Variants in NME9 observed in about 807,000 individuals in gnomAD.
NME9 encodes the protein thioredoxin domain-containing protein 6.
In NME9, 48 loss-of-function variants were observed where a neutral mutation model predicts 44.4. That is an observed-to-expected ratio of 1.08 (90% CI 0.86 to 1.37). The LOEUF (loss-of-function observed/expected upper bound fraction) is 1.37. NME9 is among the 40% of genes most tolerant of loss of function. The probability of loss-of-function intolerance (pLI) is 0.00; values close to 1 mark genes in which losing one functional copy is unlikely to be tolerated. For synonymous variants in NME9, 139 were observed against 147.1 expected, an observed-to-expected ratio of 0.94 and a Z score of 0.40; for missense variants, 325 against 405.2, an observed-to-expected ratio of 0.80 and a Z score of 1.70.
chr3:138,329,558 C>T lies in NME9; in HGVS notation c.-223G>A. 2 of 1,326,376 alleles carry T rather than the reference C, an allele frequency of 1.5e-6. No individual in the cohort carries two copies. Among genetic ancestry groups the T allele is most frequent in the Non-Finnish European group, 1.9e-6 (2 of 1,041,322 alleles). The allele number at this position is 1,326,376 out of a possible 1,614,324, so 82.2% of individuals were successfully genotyped here. A position where few individuals can be genotyped will look rare whatever the true frequency, so the allele number is the denominator to read the frequency against. On this transcript the variant is annotated 5_prime_UTR_variant, in exon 1 of 11. Coordinates refer to ENST00000333911, the MANE Select transcript of NME9 (RefSeq NM_001349018.2). ...GGAAGCGGAGCCTGCAGTCCACGGG[C>T]TCGTGGCTCGCCGGGCGGTTTTCTG...
rs1323152260 is a variant in NME9, at chr3:138,319,537, C to T, written c.136G>A (p.Val46Met). ...ATCCTCATCTTCTGGAAGAGGCTCA[C>T]CACAGGTTTGCAGGGGCCACACCAG... ...QGWCGPCKPVVSLFQKMRIEV... is the reference protein window; with the variant it reads ...QGWCGPCKPVMSLFQKMRIEV... Residue 46 changes from valine to methionine, a missense_variant, in exon 3 of 11, where the codon GTG becomes ATG. Val to Met is a conservative substitution (Grantham distance 21, BLOSUM62 1). Coordinates refer to ENST00000333911, the MANE Select transcript of NME9 (RefSeq NM_001349018.2). 1 of 1,613,652 alleles carries T rather than the reference C, an allele frequency of 6.2e-7. No homozygotes were observed. Among genetic ancestry groups the T allele is most frequent in the Admixed American group, 1.7e-5 (1 of 59,996 alleles).
intron 8 of NME9, among the ~76,000 whole-genome samples, chr3:138,267,805 T>A (rs1304787276): frequency 6.6e-6 from 1 of 152,208 alleles, no homozygotes; most frequent in Admixed American, 6.5e-5. Flanking sequence ...TACAGTTAGT[T>A]TTATTATGTC....
chr3:138,301,664 A>G lies in NME9; in HGVS notation c.969T>C (p.Leu323=), dbSNP rs935017973. 2.0e-6 allele frequency: 3 copies of G among 1,535,946 alleles called. No homozygotes were observed. The highest frequency in any genetic ancestry group is 1.4e-5 in the African/African-American group (1 of 73,024). Residue 323 remains leucine, a synonymous_variant, in exon 11 of 11, where the codon CTT becomes CTC. Coordinates refer to ENST00000333911, the MANE Select transcript of NME9 (RefSeq NM_001349018.2). ...AEATAGPTEA[L]CFPEDVD is the part of the protein sequence containing the mutation. The stretch of plus-strand genomic sequence containing the variant: ...CTCAATCCACATCCTCAGGAAAGCA[A>G]AGCGCCTCAGTGGGCCCCGCTGTTG...
intron 8 of NME9, among the ~76,000 whole-genome samples, chr3:138,281,851 A>G (rs1039305747): frequency 1.3e-5 from 2 of 152,146 alleles, no homozygotes; most frequent in Admixed American, 1.3e-4. Flanking sequence ...GGAGAGTCTA[A>G]AAGTGTTTAC....
intron 8 of NME9, chr3:138,269,978 C>T: frequency 8.9e-7 from 1 of 1,117,642 alleles, no homozygotes; most frequent in Non-Finnish European, 1.4e-6. Flanking sequence ...AAGGTATATG[C>T]ATGTTTAGTT....
At chr3:138,290,743 T>G in intron 8 of NME9, 2 of 720,058 alleles carry the variant, frequency 2.8e-6, no homozygotes, top group Non-Finnish European at 4.6e-6. Context: ...TAAAATCTTT[T>G]AGATTCTTAG....
At chr3:138,319,384 A>T in intron 3 of NME9, 94 bp downstream of exon 3, 1 of 707,776 alleles carries the variant, frequency 1.4e-6, no homozygotes, top group Non-Finnish European at 2.5e-6. Context: ...ATGACCTGAG[A>T]AAGGTCACTC....
At chr3:138,261,947 T>G (rs2047787283) in exon 9 of NME9, 1 of 152,108 alleles carries the variant, frequency 6.6e-6, no homozygotes, top group South Asian at 2.1e-4. Flanking sequence ...GAATTTGAAG[T>G]AAGAGGTAGC....
chr3:138,277,635 A>G (rs2049429679), intron 8 of NME9, among the ~76,000 whole-genome samples: 2 of 152,250 alleles, frequency 1.3e-5, no homozygotes, highest in Admixed American at 1.3e-4. Flanking sequence ...AGAATAGCTA[A>G]AAATTTTTTT....
intron 1 of NME9, among the ~76,000 whole-genome samples, chr3:138,327,938 G>A (rs1172706977): frequency 6.6e-6 from 1 of 152,146 alleles, no homozygotes; most frequent in Non-Finnish European, 1.5e-5. Flanking sequence ...TAACATTAGA[G>A]ACACCACAGA....
At chr3:138,298,297 C>G (rs1371187600), downstream of NME9, 1 of 152,018 alleles carries the variant, frequency 6.6e-6, no homozygotes, top group African/African-American at 2.4e-5. Context: ...GCACTTTATT[C>G]AGAACAATAC....
At chr3:138,328,993 C>G (rs970205351) in intron 1 of NME9, among the ~76,000 whole-genome samples, 3 of 152,040 alleles carry the variant, frequency 2.0e-5, no homozygotes, top group African/African-American at 7.2e-5. Flanking sequence ...TATGTTGATT[C>G]GTATTTTCTT....
At chr3:138,277,748 T>G (rs1032356872) in intron 8 of NME9, among the ~76,000 whole-genome samples, 1 of 152,212 alleles carries the variant, frequency 6.6e-6, no homozygotes. Context: ...AAGTTGTACA[T>G]ATACGTGCCA....
chr3:138,283,930 G>C (rs2050164605), intron 8 of NME9, among the ~76,000 whole-genome samples: 1 of 152,138 alleles, frequency 6.6e-6, no homozygotes, highest in Non-Finnish European at 1.5e-5. Flanking sequence ...CTGGTGGACA[G>C]GGTCTAGGCC....
intron 1 of NME9, 130 bp downstream of exon 1, chr3:138,329,173 C>T (rs2053973118): frequency 9.9e-6 from 8 of 811,652 alleles, no homozygotes; most frequent in Non-Finnish European, 1.3e-5. Flanking sequence ...GTACATCACT[C>T]AAGTTTGAGA....
intron 6 of NME9, among the ~76,000 whole-genome samples, chr3:138,308,967 A>C (rs997613068): frequency 3.3e-5 from 5 of 150,654 alleles, no homozygotes; most frequent in Non-Finnish European, 5.9e-5. Context: ...AAAAAAAAAA[A>C]AACTGTCATC....
intron 8 of NME9, among the ~76,000 whole-genome samples, chr3:138,276,209 G>T (rs1288586450): frequency 2.0e-5 from 3 of 152,176 alleles, no homozygotes; most frequent in African/African-American, 7.2e-5. Context: ...TAAACAGTCG[G>T]CTCACTAGCT....
intron 8 of NME9, among the ~76,000 whole-genome samples, chr3:138,293,947 A>G (rs2051230251): frequency 6.6e-6 from 1 of 152,162 alleles, no homozygotes; most frequent in Non-Finnish European, 1.5e-5. Context: ...TAATAGAATC[A>G]AGGTCTGAGC....
chr3:138,306,865 T>C (rs1280109097), intron 6 of NME9, among the ~76,000 whole-genome samples: 1 of 151,842 alleles, frequency 6.6e-6, no homozygotes, highest in South Asian at 2.1e-4. Context: ...GAAGAGGAGG[T>C]ATAGGAGAAA....
Sources: allele counts gnomAD v4.1 joint callset (sites outside exome capture counted in the v4.1 genomes callset), GRCh38; gene constraint gnomAD v4.1.1; transcripts MANE v1.5; gene names NCBI Gene and HGNC (gene_info 2026-07-23, HGNC 2026-07-21).